The following GRM1 variants were observed in gnomAD, a reference collection of about 807,000 sequenced individuals.
The protein encoded by GRM1 is metabotropic glutamate receptor 1.
In GRM1, 33 loss-of-function variants were observed where a neutral mutation model predicts 90.9. The ratio of observed to expected loss-of-function variants is 0.36; its 90% CI spans 0.28 to 0.49. The LOEUF (loss-of-function observed/expected upper bound fraction) is 0.49. Ranked by LOEUF, GRM1 falls within the 20% of genes least tolerant of loss-of-function variation. The pLI is 0.99. For missense variants in GRM1, 1,190 were observed against 1,534.3 expected (o/e 0.78, Z 3.75); for synonymous variants, 700 against 613.2 (o/e 1.14, Z -2.09).
At chr6:146,405,281 G>A (rs986398319) in intron 7 of GRM1, among the ~76,000 whole-genome samples, 4 of 152,072 alleles carry the variant, frequency 2.6e-5, no homozygotes, top group Admixed American at 6.6e-5. Flanking sequence ...TGCCCAAGAG[G>A]GTGGTTATGA....
chr6:146,322,309 A>G (rs886601999), intron 3 of GRM1, among the ~76,000 whole-genome samples: 15 of 152,236 alleles, frequency 9.9e-5, no homozygotes, highest in Admixed American at 4.6e-4. Flanking sequence ...TGCCCGCTGG[A>G]GCTCTCCTCT....
intron 2 of GRM1, 64 bp from the exon 3 acceptor site, chr6:146,304,547 T>C (rs1385051510): frequency 9.0e-7 from 1 of 1,107,728 alleles, no homozygotes; most frequent in African/African-American, 1.5e-5. Context: ...CATATATAAC[T>C]CTGAGCTCTA....
At chr6:146,107,024 C>T (rs563183292) in intron 1 of GRM1, among the ~76,000 whole-genome samples, 42 of 152,342 alleles carry the variant, frequency 2.8e-4, no homozygotes, top group African/African-American at 6.5e-4. Context: ...TAAGTGCTTT[C>T]TCCTTTGGCC....
chr6:146,209,222 G>A (rs1779597375), intron 2 of GRM1, among the ~76,000 whole-genome samples: 1 of 152,060 alleles, frequency 6.6e-6, no homozygotes, highest in South Asian at 2.1e-4. Flanking sequence ...GCAGGTAACA[G>A]ATATTTTTAT....
intron 7 of GRM1, among the ~76,000 whole-genome samples, chr6:146,425,690 G>A (rs1323272456): frequency 6.6e-6 from 1 of 152,202 alleles, no homozygotes; most frequent in Admixed American, 6.5e-5. Flanking sequence ...TGTAGCATGT[G>A]CTGATAGTTC....
At chr6:146,270,934 T>C (rs1782127064) in intron 2 of GRM1, among the ~76,000 whole-genome samples, 1 of 132,832 alleles carries the variant, frequency 7.5e-6, no homozygotes, top group African/African-American at 3.5e-5. Context: ...CCTTCCTTCC[T>C]TCCTTCCTTC....
Position 146,244,243 on chromosome 6 carries a change from T to A in GRM1, c.951-60368T>A, listed in dbSNP as rs112502976. On this transcript the variant is annotated intron_variant, in intron 2 of 7. Transcript: ENST00000282753. ...AGACAGGCATAGGAAATCACAAGAG[T>A]ATTGATTAGGGAAGTGATAAATGTC... is the stretch of plus-strand genomic sequence containing the variant. 8.5e-3 allele frequency among the ~76,000 whole-genome samples: 1,300 copies of A among 152,090 alleles called. 20 individuals carry two copies. The highest frequency in any genetic ancestry group is 0.03 in the African/African-American group (1,234 of 41,484).
At chr6:146,404,548 G>A (rs1410871090) in intron 7 of GRM1, among the ~76,000 whole-genome samples, 2 of 152,146 alleles carry the variant, frequency 1.3e-5, no homozygotes, top group African/African-American at 4.8e-5. Flanking sequence ...ATTTGAACTT[G>A]ACCATAAAGC....
At chr6:146,064,393 T>G (rs1775775160) in intron 1 of GRM1, among the ~76,000 whole-genome samples, 1 of 152,204 alleles carries the variant, frequency 6.6e-6, no homozygotes, top group Non-Finnish European at 1.5e-5. Context: ...AATTATTTCA[T>G]AAATAAATAC....
At chr6:146,230,543 G>A (rs1383789870) in intron 2 of GRM1, among the ~76,000 whole-genome samples, 1 of 152,098 alleles carries the variant, frequency 6.6e-6, no homozygotes, top group East Asian at 1.9e-4. Context: ...GGAACAACAG[G>A]AACTCCCATG....
intron 1 of GRM1, among the ~76,000 whole-genome samples, chr6:146,051,308 G>C (rs1016404773): frequency 5.3e-5 from 8 of 152,066 alleles, no homozygotes; most frequent in African/African-American, 1.7e-4. Flanking sequence ...TAATAAGGTG[G>C]TGGTCTGATA....
At chr6:146,264,426 TAAG>T (rs1342202566) in intron 2 of GRM1, among the ~76,000 whole-genome samples, 1 of 152,036 alleles carries the variant, frequency 6.6e-6, no homozygotes, top group Non-Finnish European at 1.5e-5. Context: ...AGTATAATAG[TAAG>T]AAGATAATTT....
intron 2 of GRM1, among the ~76,000 whole-genome samples, chr6:146,176,892 G>T (rs1778358116): frequency 1.3e-5 from 2 of 152,024 alleles, no homozygotes; most frequent in Non-Finnish European, 1.5e-5. Context: ...AAGAGAACTT[G>T]AGTAAGTTAC....
intron 2 of GRM1, among the ~76,000 whole-genome samples, chr6:146,244,192 A>G (rs1583214116): frequency 6.6e-6 from 1 of 152,192 alleles, no homozygotes; most frequent in African/African-American, 2.4e-5. Context: ...GCTTATGAAG[A>G]TGACAGGATT....
At chr6:146,278,129 G>T (rs977672334) in intron 2 of GRM1, among the ~76,000 whole-genome samples, 10 of 151,956 alleles carry the variant, frequency 6.6e-5, no homozygotes, top group Non-Finnish European at 1.2e-4. Flanking sequence ...ATTTGATAAA[G>T]AACCCCAAAA....
intron 1 of GRM1, among the ~76,000 whole-genome samples, chr6:146,078,494 T>C (rs965422126): frequency 7.9e-5 from 12 of 152,186 alleles, no homozygotes; most frequent in African/African-American, 2.9e-4. Context: ...GCATGATTGA[T>C]AGTTAATATG....
At chr6:146,082,458 T>C (rs1776396673) in intron 1 of GRM1, among the ~76,000 whole-genome samples, 1 of 152,152 alleles carries the variant, frequency 6.6e-6, no homozygotes, top group Non-Finnish European at 1.5e-5. Flanking sequence ...GCCTGGCCTG[T>C]GGTTTCGTCT....
chr6:146,274,733 T>A (rs747732965), intron 2 of GRM1, among the ~76,000 whole-genome samples: 1 of 152,202 alleles, frequency 6.6e-6, no homozygotes, highest in Non-Finnish European at 1.5e-5. Context: ...GCTTTATGAA[T>A]GAAGAAAACA....
intron 1 of GRM1, among the ~76,000 whole-genome samples, chr6:146,047,305 G>T (rs1791367637): frequency 8.0e-6 from 1 of 125,084 alleles, no homozygotes; most frequent in Admixed American, 7.5e-5. Context: ...TTTCCTCCTT[G>T]TAGCATTTGT....
Sources: allele counts gnomAD v4.1 joint callset (sites outside exome capture counted in the v4.1 genomes callset), GRCh38; gene constraint gnomAD v4.1.1; transcripts MANE v1.5; gene names NCBI Gene and HGNC (gene_info 2026-07-23, HGNC 2026-07-21).